AKR1C3: variants seen among roughly 807,000 people sequenced by gnomAD.
AKR1C3 encodes 3-alpha hydroxysteroid dehydrogenase, type II.
AKR1C3 carries 48 observed loss-of-function variants against 43.6 expected under a neutral mutation model. The observed-to-expected ratio is 1.10, with a 90% CI of 0.87 to 1.40. The LOEUF (loss-of-function observed/expected upper bound fraction) is 1.40, where lower values mean the gene tolerates loss of function less well. Among genes scored for constraint, AKR1C3 ranks in the 40% most tolerant of loss-of-function variants. AKR1C3 has a pLI of 0.00. For missense variants in AKR1C3, 482 were observed against 391.2 expected (o/e 1.23, Z -1.96); for synonymous variants, 162 against 139.6 (o/e 1.16, Z -1.13).
At chr10:5,094,074 GAA>G (rs1416987547), upstream of AKR1C3, 3 of 167,144 alleles carry the variant, frequency 1.8e-5, no homozygotes, top group East Asian at 3.6e-4. Context: ...CGGCAGAAAC[GAA>G]AAAAGATATT....
rs895780568 is a variant in AKR1C3 at position 5,097,672 on chromosome 10, C to T, written c.369+122C>T. ...AGGGATTATCACACAGAAGAAGAAC[C>T]GTAAGTGGAACACCTAATTTCCTTT... On this transcript the variant is annotated intron_variant, in intron 3 of 8. Transcript: ENST00000380554. 22 of 1,563,206 alleles carry T rather than the reference C, an allele frequency of 1.4e-5. 1 individual carries two copies. Among genetic ancestry groups the T allele is most frequent in the Middle Eastern group, 3.4e-4 (2 of 5,886 alleles).
chr10:5,098,245 T>G, intron 3 of AKR1C3: 1 of 939,870 alleles, frequency 1.1e-6, no homozygotes, highest in Non-Finnish European at 1.3e-6. Context: ...TTCTTATCTC[T>G]AAACTCCAAC....
intron 6 of AKR1C3, 95 bp downstream of exon 6, chr10:5,102,305 G>A: frequency 6.3e-7 from 1 of 1,579,310 alleles, no homozygotes; most frequent in Non-Finnish European, 8.7e-7. Context: ...AGTTTCAAGT[G>A]GCTCATGGAG....
upstream of AKR1C3, among the ~76,000 whole-genome samples, chr10:5,092,869 TTATTA>T (rs1176881896): frequency 2.0e-5 from 3 of 152,098 alleles, no homozygotes; most frequent in Admixed American, 2.0e-4. Flanking sequence ...TTTATATACC[TTATTA>T]TTTTATTTGA....
At chr10:5,063,594 G>A (rs1838425208) in intron 1 of AKR1C3, among the ~76,000 whole-genome samples, 1 of 151,294 alleles carries the variant, frequency 6.6e-6, no homozygotes, top group African/African-American at 2.4e-5. Flanking sequence ...CCAGAAGTTT[G>A]AGGCCAACAT....
At chr10:5,087,376 C>CTTTTTTTT (rs1564364889) in intron 1 of AKR1C3, among the ~76,000 whole-genome samples, 1 of 45,366 alleles carries the variant, frequency 2.2e-5, no homozygotes, top group Non-Finnish European at 4.5e-5. Flanking sequence ...TTTATCATTT[C>CTTTTTTTT]TTTCTTTTTT....
chr10:5,103,289 T>G (rs1554786435), intron 7 of AKR1C3, among the ~76,000 whole-genome samples: 1 of 152,092 alleles, frequency 6.6e-6, no homozygotes, highest in East Asian at 1.9e-4. Context: ...CAGTTAAAAT[T>G]TCACATATTT....
chr10:5,080,186 C>CTGGTTAAGATGTGGAGTAAGAACATCTGG (rs58556414), intron 1 of AKR1C3, among the ~76,000 whole-genome samples: 2 of 151,886 alleles, frequency 1.3e-5, no homozygotes, highest in African/African-American at 4.8e-5. Flanking sequence ...GTAAGAACAT[C>CTGGTTAAGATGTGGAGTAAGAACATCTGG]TTAAGATGTG....
intron 1 of AKR1C3, among the ~76,000 whole-genome samples, chr10:5,083,720 C>T (rs1838889053): frequency 1.3e-5 from 2 of 152,138 alleles, no homozygotes; most frequent in African/African-American, 4.8e-5. Flanking sequence ...CCTATTTCTC[C>T]ACATCCTCTC....
chr10:5,099,202 A>C, intron 4 of AKR1C3, 125 bp from the exon 5 acceptor site: 3 of 1,486,810 alleles, frequency 2.0e-6, no homozygotes, highest in South Asian at 1.4e-5. Context: ...TCTTTTTTTG[A>C]CAATCACTGC....
upstream of AKR1C3, among the ~76,000 whole-genome samples, chr10:5,091,906 A>G (rs1839099158): frequency 6.6e-6 from 1 of 152,110 alleles, no homozygotes; most frequent in African/African-American, 2.4e-5. Context: ...ATACTTCTAT[A>G]TGGTTTCAGG....
intron 2 of AKR1C3, among the ~76,000 whole-genome samples, chr10:5,097,231 A>G (rs1016682192): frequency 6.6e-5 from 10 of 152,140 alleles, no homozygotes; most frequent in African/African-American, 2.4e-4. Context: ...CATTCAGTAG[A>G]TGTACAAACT....
upstream of AKR1C3, among the ~76,000 whole-genome samples, chr10:5,092,483 CTTTTT>C (rs35143522): frequency 1.5e-5 from 2 of 134,366 alleles, no homozygotes; most frequent in African/African-American, 2.8e-5. Context: ...TCTCTTTACT[CTTTTT>C]TTTTTTTTTT....
chr10:5,097,876 C>A (rs895822302), intron 3 of AKR1C3: 2 of 1,126,236 alleles, frequency 1.8e-6, no homozygotes, highest in Non-Finnish European at 2.2e-6. Context: ...GAGTTTCATG[C>A]AGTTGTGGTG....
chr10:5,096,609 T>A, intron 2 of AKR1C3, 32 bp downstream of exon 2: 1 of 1,590,704 alleles, frequency 6.3e-7, no homozygotes, highest in South Asian at 1.2e-5. Context: ...TGTGTGCACA[T>A]GTATTTATTG....
chr10:5,105,270 CTTCTAGG>C (rs1839470271), intron 7 of AKR1C3: 2 of 188,312 alleles, frequency 1.1e-5, no homozygotes, highest in South Asian at 1.8e-4. Context: ...TCTTGTGGGC[CTTCTAGG>C]TACATGACCC....
upstream of AKR1C3, chr10:5,093,346 G>T (rs1051028144): frequency 3.7e-4 from 56 of 151,948 alleles, no homozygotes; most frequent in Admixed American, 1.1e-3. Flanking sequence ...ATATTATATT[G>T]TATCAATGTA....
chr10:5,100,367 T>G (rs1383891762), intron 5 of AKR1C3, among the ~76,000 whole-genome samples: 1 of 152,238 alleles, frequency 6.6e-6, no homozygotes, highest in Non-Finnish European at 1.5e-5. Context: ...CTGAGGAACT[T>G]TAGCAGAACA....
intron 1 of AKR1C3, among the ~76,000 whole-genome samples, chr10:5,063,344 G>A (rs1269510397): frequency 6.6e-6 from 1 of 152,026 alleles, no homozygotes; most frequent in African/African-American, 2.4e-5. Flanking sequence ...TAAATCGTAT[G>A]TCATCCCCAC....
Sources: gnomAD v4.1 joint callset for allele counts (sites outside exome capture counted in the v4.1 genomes callset) on GRCh38, gnomAD v4.1.1 for gene constraint, MANE v1.5 for transcripts, NCBI Gene and HGNC (gene_info 2026-07-23, HGNC 2026-07-21) for gene names.